The following CDH3 variants were observed in gnomAD, a reference collection of about 807,000 sequenced individuals.
CDH3 encodes cadherin-3.
CDH3 carries 54 observed loss-of-function variants against 82.0 expected under a neutral mutation model. The ratio of observed to expected loss-of-function variants is 0.66; its 90% CI spans 0.53 to 0.83. The LOEUF is 0.83. CDH3 is among the 40% of genes least tolerant of loss of function. The pLI, the probability that CDH3 is intolerant of heterozygous loss-of-function variation, is 0.00. For synonymous variants in CDH3, 446 were observed against 437.9 expected (o/e 1.02, Z -0.23); for missense variants, 1,054 against 1,084.6 (o/e 0.97, Z 0.40).
chr16:68,711,023 G>A (rs1436756313), intron 1 of CDH3, among the ~76,000 whole-genome samples: 2 of 126,846 alleles, frequency 1.6e-5, no homozygotes, highest in Non-Finnish European at 3.4e-5. Flanking sequence ...GGAGGGGAGG[G>A]GAGGAGAGAA....
chr16:68,717,324 C>G (rs1267064435), intron 1 of CDH3, among the ~76,000 whole-genome samples: 1 of 152,146 alleles, frequency 6.6e-6, no homozygotes, highest in Non-Finnish European at 1.5e-5. Flanking sequence ...CAAAGGCTAA[C>G]AAGGATGTGG....
intron 2 of CDH3, among the ~76,000 whole-genome samples, chr16:68,726,579 GTT>G (rs60673311): frequency 8.2e-4 from 109 of 132,166 alleles, no homozygotes; most frequent in African/African-American, 2.5e-3. Flanking sequence ...TTTTTTGGTT[GTT>G]TTTTTTTTTT....
At chr16:68,700,518 T>C (rs1183405550), downstream of CDH3, among the ~76,000 whole-genome samples, 1 of 152,146 alleles carries the variant, frequency 6.6e-6, no homozygotes, top group African/African-American at 2.4e-5. Context: ...GGAAATGAAG[T>C]TGGGGCTGGG....
downstream of CDH3, among the ~76,000 whole-genome samples, chr16:68,701,157 T>C (rs904612388): frequency 3.3e-5 from 5 of 151,988 alleles, no homozygotes; most frequent in African/African-American, 1.2e-4. Context: ...CCTGAGATAT[T>C]TGGAGGAAAA....
In CDH3 at chr16:68,679,988, A is replaced by G. The variant is rs747176000; in HGVS notation, c.867+14A>G. 7.4e-6 allele frequency: 12 copies of G among 1,613,206 alleles called. No homozygotes were observed. Among genetic ancestry groups the G allele is most frequent in the Non-Finnish European group, 1.0e-5 (12 of 1,179,210 alleles). On this transcript the variant is annotated intron_variant, in intron 7 of 15. Transcript: ENST00000264012. ...CTGGACCGGGAAGTGAGTGGCCCTT[A>G]GGGAAAGTACTGCCTACCCAGACTT...
rs1961863865 is a variant in CDH3 at position 68,699,969 on chromosome 16, T to C, written c.*1569T>C. The C allele has an allele frequency of 6.6e-6, 1 of 152,236 alleles. No homozygotes were observed. The highest frequency in any genetic ancestry group is 1.5e-5 in the Non-Finnish European group (1 of 68,042). The allele number at this position is 152,236 out of a possible 1,614,324, so 9.4% of individuals were successfully genotyped here. On this transcript the variant is annotated 3_prime_UTR_variant, in exon 16 of 16. Coordinates refer to ENST00000264012, the MANE Select transcript of CDH3 (RefSeq NM_001793.6). ...CAGACAGGACTTCGATTATTTCCTC[T>C]AAATCCTCACAATCACCCTCTGAGG... is the stretch of plus-strand genomic sequence containing the variant.
rs1028605282 is a variant in CDH3, at chr16:68,681,054, C to T, written c.954C>T (p.Ile318=). 1 of 1,614,028 alleles carries T rather than the reference C, an allele frequency of 6.2e-7. No homozygotes were observed. The highest frequency in any genetic ancestry group is 8.5e-7 in the Non-Finnish European group (1 of 1,179,980). ...CCACGGCAGTGGCAGTAGTGGAGATCCTTGATGCCAATGACAATGCTCCCA... is the reference window on the plus strand; with the variant it reads ...CCACGGCAGTGGCAGTAGTGGAGATTCTTGATGCCAATGACAATGCTCCCA... ...STTTAVAVVE[I]LDANDNAPMF... Residue 318 remains isoleucine (I), a synonymous_variant, in exon 8 of 16, where the codon ATC becomes ATT. Transcript: ENST00000264012.
chr16:68,676,368 C>CTT lies in CDH3; in HGVS notation c.161-16_161-15dup. ...TACTCCTGCCTTCCTAATGCTCTCTCTTCCCCTTCCCCACAGTATTCATGG... is the reference window on the plus strand; with the variant it reads ...TACTCCTGCCTTCCTAATGCTCTCTCTTTTCCCCTTCCCCACAGTATTCATGG... On this transcript the variant is annotated splice_polypyrimidine_tract_variant and intron_variant, in intron 2 of 15. Coordinates refer to ENST00000264012, the MANE Select transcript of CDH3 (RefSeq NM_001793.6). 1 of 1,595,494 alleles carries CTT rather than the reference C, an allele frequency of 6.3e-7. No individual in the cohort carries two copies. Among genetic ancestry groups the CTT allele is most frequent in the Non-Finnish European group, 8.6e-7 (1 of 1,162,912 alleles).
intron 11 of CDH3, chr16:68,686,263 TG>T: frequency 3.1e-6 from 2 of 640,476 alleles, no homozygotes; most frequent in Non-Finnish European, 2.8e-6. Context: ...CGGCAAGGGC[TG>T]GGGTGAGTGC....
rs545531809 is a variant in CDH3, at chr16:68,694,030, A to G, written c.2003-1225A>G. On this transcript the variant is annotated intron_variant, in intron 13 of 15. Transcript: ENST00000264012. ...CAGCACTTTGGGAGCTGAGGCAGGCAGATCACCTGAGGTCAGGAGTTAGAG... is the reference window on the plus strand; with the variant it reads ...CAGCACTTTGGGAGCTGAGGCAGGCGGATCACCTGAGGTCAGGAGTTAGAG... Among the ~76,000 whole-genome samples the G allele has an allele frequency of 1.6e-3, 250 of 152,022 alleles. 1 individual carries two copies. The highest frequency in any genetic ancestry group is 5.7e-3 in the African/African-American group (238 of 41,482).
At chr16:68,692,752 T>C (rs1961610606) in intron 13 of CDH3, among the ~76,000 whole-genome samples, 1 of 152,224 alleles carries the variant, frequency 6.6e-6, no homozygotes, top group Admixed American at 6.5e-5. Flanking sequence ...CATTTTGACT[T>C]GGTCTTAATA....
chr16:68,698,053 G>T, intron 15 of CDH3, 138 bp from the exon 16 acceptor site: 2 of 802,408 alleles, frequency 2.5e-6, no homozygotes, highest in Non-Finnish European at 4.3e-6. Context: ...AATTCTGCAT[G>T]AATAACGCAT....
At chr16:68,690,938 G>A (rs1204705142) in intron 12 of CDH3, among the ~76,000 whole-genome samples, 1 of 151,964 alleles carries the variant, frequency 6.6e-6, no homozygotes, top group Non-Finnish European at 1.5e-5. Flanking sequence ...GGAAATATGG[G>A]TGTTTCATAT....
At chr16:68,695,639 C>CTG (rs1392216921) in intron 14 of CDH3, 138 bp from the exon 15 acceptor site, 5 of 1,070,648 alleles carry the variant, frequency 4.7e-6, no homozygotes, top group African/African-American at 4.6e-5. Context: ...TTTCCAAAAT[C>CTG]TGTGACATCA....
chr16:68,710,712 C>T (rs946694146), intron 1 of CDH3, among the ~76,000 whole-genome samples: 31 of 151,334 alleles, frequency 2.0e-4, no homozygotes, highest in African/African-American at 7.3e-4. Flanking sequence ...AGTGTGGTGG[C>T]GGGCGCCTGT....
At chr16:68,727,484 T>C (rs1404604353), downstream of CDH3, among the ~76,000 whole-genome samples, 1 of 152,126 alleles carries the variant, frequency 6.6e-6, no homozygotes. Context: ...TCTCTGTGAG[T>C]CTCTGCTTCC....
At chr16:68,678,031 G>C (rs562582963) in intron 3 of CDH3, 103 bp from the exon 4 acceptor site, 139 of 1,084,624 alleles carry the variant, frequency 1.3e-4, no homozygotes, top group East Asian at 4.5e-4. Context: ...TTATAGGCGT[G>C]AGCTACCATG....
intron 2 of CDH3, among the ~76,000 whole-genome samples, chr16:68,666,087 C>A (rs988266421): frequency 8.6e-5 from 13 of 152,046 alleles, no homozygotes; most frequent in African/African-American, 3.1e-4. Context: ...GGTATCTGAT[C>A]TGAGGCAGAG....
chr16:68,724,545 T>A (rs1962198730), intron 2 of CDH3, among the ~76,000 whole-genome samples: 1 of 151,906 alleles, frequency 6.6e-6, no homozygotes, highest in African/African-American at 2.4e-5. Flanking sequence ...GAGAATCACT[T>A]GGGCCCAGGA....
Sources: gnomAD v4.1 joint callset for allele counts (sites outside exome capture counted in the v4.1 genomes callset) on GRCh38, gnomAD v4.1.1 for gene constraint, MANE v1.5 for transcripts, NCBI Gene and HGNC (gene_info 2026-07-23, HGNC 2026-07-21) for gene names.